The following PAXIP1 variants were observed in gnomAD, a reference collection of about 807,000 sequenced individuals.
PAXIP1 encodes the protein PAX-interacting protein 1.
PAXIP1 carries 19 observed loss-of-function variants against 140.6 expected under a neutral mutation model. That is an observed-to-expected ratio of 0.14 (90% CI 0.09 to 0.20). The LOEUF is 0.20. PAXIP1 is among the 10% of genes least tolerant of loss of function. PAXIP1 has a pLI of 1.00. For synonymous variants in PAXIP1, 442 were observed against 444.6 expected (o/e 0.99, Z 0.07); for missense variants, 920 against 1,208.6 (o/e 0.76, Z 3.54).
intron 20 of PAXIP1, chr7:154,945,997 A>T (rs554782304): frequency 2.0e-6 from 2 of 985,084 alleles, no homozygotes; most frequent in African/African-American, 3.5e-5. Flanking sequence ...CTATATACGA[A>T]CTAAATTTCA....
intron 2 of PAXIP1, among the ~76,000 whole-genome samples, chr7:154,996,354 G>A (rs1810610244): frequency 6.6e-6 from 1 of 152,188 alleles, no homozygotes; most frequent in Admixed American, 6.5e-5. Flanking sequence ...GATGAAATAT[G>A]TCTGTCACTC....
At chr7:154,966,700 T>TC (rs1809039953) in intron 8 of PAXIP1, among the ~76,000 whole-genome samples, 1 of 152,228 alleles carries the variant, frequency 6.6e-6, no homozygotes, top group South Asian at 2.1e-4. Context: ...GCACATGCCA[T>TC]CCGCCTCTTT....
At chr7:154,952,383 G>A (rs905718513) in intron 16 of PAXIP1, among the ~76,000 whole-genome samples, 5 of 152,210 alleles carry the variant, frequency 3.3e-5, no homozygotes, top group East Asian at 1.9e-4. Flanking sequence ...TTGCCTTCCT[G>A]TTCCAGCTGA....
At position 154,968,591 on chromosome 7, in the gene PAXIP1, AGCTGCTGCTGCTGAATCTGCTGTT is replaced by A. The variant is rs747116351; in HGVS notation, c.1586_1609del (p.Gln529_Gln536del). The A allele has an allele frequency of 2.7e-5, 19 of 714,446 alleles. No individual in the cohort carries two copies. In the East Asian group the frequency reaches 3.0e-4, roughly 11 times the overall value. 44.3% of individuals were successfully genotyped at this position (714,446 alleles called of 1,614,324 possible). ...CTGCTGCTGCTGGTGCATGCGCTGG[AGCTGCTGCTGCTGAATCTGCTGTT>A]GCTGCTGCTGCTGGAGCAGGCTGTG... On this transcript the variant is annotated inframe_deletion, in exon 7 of 21. Transcript: ENST00000404141.
chr7:154,944,571 C>G (rs544422909), intron 20 of PAXIP1: 208 of 156,714 alleles, frequency 1.3e-3, no homozygotes, highest in Non-Finnish European at 2.3e-3. Context: ...CTAAACCGTC[C>G]ACTTTGGGCA....
chr7:154,964,108 T>C (rs1808893110), intron 8 of PAXIP1: 3 of 190,284 alleles, frequency 1.6e-5, no homozygotes, highest in Non-Finnish European at 3.3e-5. Flanking sequence ...TGTTTGGCAG[T>C]GTCCCCAACT....
chr7:154,957,181 C>A (rs1160125730), intron 14 of PAXIP1, 43 bp downstream of exon 14: 1 of 1,092,154 alleles, frequency 9.2e-7, no homozygotes. Context: ...CAAAGCAGAC[C>A]TGTGAAAGCC....
intron 2 of PAXIP1, among the ~76,000 whole-genome samples, chr7:154,995,621 G>A (rs776975548): frequency 6.4e-4 from 97 of 152,286 alleles, no homozygotes; most frequent in Non-Finnish European, 6.0e-4. Flanking sequence ...AGGCCAAGGC[G>A]GGCGGATCAC....
intron 2 of PAXIP1, among the ~76,000 whole-genome samples, chr7:154,994,280 T>C (rs1361880880): frequency 6.6e-6 from 1 of 152,248 alleles, no homozygotes; most frequent in Non-Finnish European, 1.5e-5. Context: ...GATTAATTAC[T>C]ACCTTTCTGG....
intron 6 of PAXIP1, among the ~76,000 whole-genome samples, chr7:154,970,893 T>C (rs950774751): frequency 2.0e-5 from 3 of 152,186 alleles, no homozygotes; most frequent in African/African-American, 7.2e-5. Context: ...CACCCTCATA[T>C]GTAAACAGCC....
chr7:154,944,124 G>A lies in PAXIP1; in HGVS notation c.*25C>T, dbSNP rs763741779. The A allele has an allele frequency of 3.1e-6, 5 of 1,611,712 alleles. No homozygotes were observed. The highest frequency in any genetic ancestry group is 4.2e-6 in the Non-Finnish European group (5 of 1,178,654). ...CAGCCAGCCCCGCACCGCAGGAGTC[G>A]ACATGCACGGCAGCCTAGACGCCAT... On this transcript the variant is annotated 3_prime_UTR_variant, in exon 21 of 21. Transcript: ENST00000404141.
rs184628382 is a variant in PAXIP1 at position 154,954,318 on chromosome 7, C to A, written c.2758G>T (p.Val920Phe). 1.2e-6 allele frequency: 2 copies of A among 1,604,230 alleles called. No homozygotes were observed. Among genetic ancestry groups the A allele is most frequent in the East Asian group, 4.5e-5 (2 of 44,686 alleles). The change falls in exon 16 of 21, where the codon GTC (valine) becomes TTC (phenylalanine). Residue 920 changes from valine to phenylalanine, a missense_variant. Coordinates refer to ENST00000404141, the MANE Select transcript of PAXIP1 (RefSeq NM_007349.4). The surrounding 1 kb of genome is among the most constrained non-coding windows in gnomAD (Gnocchi z 5.1). ...TCTGGCGTCACTATGTGCTTCACGA[C>A]AGAAATCGCCGTCAGGAACTTCACG... Reference protein sequence around the residue: ...RTVKFLTAISVVKHIVTPEWL... With the variant: ...RTVKFLTAISFVKHIVTPEWL...
chr7:154,995,374 A>G (rs546452727), intron 2 of PAXIP1, among the ~76,000 whole-genome samples: 1 of 152,336 alleles, frequency 6.6e-6, no homozygotes, highest in African/African-American at 2.4e-5. Context: ...ATCCCAGTTT[A>G]AAGACTGCTG....
intron 5 of PAXIP1, 33 bp from the exon 6 acceptor site, chr7:154,976,364 A>T: frequency 2.0e-6 from 3 of 1,523,000 alleles, no homozygotes; most frequent in Non-Finnish European, 2.6e-6. Flanking sequence ...CACAAAACAA[A>T]GCTGTAAATT....
intron 2 of PAXIP1, among the ~76,000 whole-genome samples, chr7:154,997,008 GAGAA>G (rs1206950780): frequency 6.6e-6 from 1 of 152,112 alleles, no homozygotes; most frequent in Non-Finnish European, 1.5e-5. Flanking sequence ...TATTGTCTGA[GAGAA>G]AGAAAGTTTG....
At position 154,969,054 on chromosome 7, in the gene PAXIP1, T is replaced by C; in HGVS notation, c.1147A>G (p.Asn383Asp). 6.5e-7 allele frequency: 1 copy of C among 1,535,386 alleles called. No homozygotes were observed. The highest frequency in any genetic ancestry group is 1.4e-5 in the African/African-American group (1 of 72,978). Residue 383 changes from asparagine (N) to aspartate (D), a missense_variant, in exon 7 of 21, where the codon AAT becomes GAT. Physicochemically the swap from Asn to Asp is conservative, Grantham distance 23. Around this residue, in one of 5 missense-constraint regions of PAXIP1, gnomAD observed 419 missense variants for 514.7 expected, o/e 0.81. Coordinates refer to ENST00000404141, the MANE Select transcript of PAXIP1 (RefSeq NM_007349.4). Reference sequence around the variant, plus strand: ...TGGCTAAACAGCACTGCATTGGCATTTGTATGTCCCTGCTGGCTGTGATTC... The same window carrying C: ...TGGCTAAACAGCACTGCATTGGCATCTGTATGTCCCTGCTGGCTGTGATTC... ...QVNHSQQGHT[N>D]ANAVLFSQVK... is the part of the protein sequence containing the mutation.
intron 1 of PAXIP1, chr7:155,001,676 T>C (rs1237982377): frequency 1.3e-5 from 2 of 152,196 alleles, no homozygotes; most frequent in Non-Finnish European, 2.9e-5. Context: ...TTTTGTATTT[T>C]TAGTAGAGAT....
Position 155,002,873 on chromosome 7 carries a change from G to A in PAXIP1, c.57C>T (p.Tyr19=), listed in dbSNP as rs1487239624. The change falls in exon 1 of 21, where the codon TAC becomes TAT. Residue 19 remains tyrosine, a synonymous_variant. Coordinates refer to ENST00000404141, the MANE Select transcript of PAXIP1 (RefSeq NM_007349.4). ...PEEMFREVKY[Y]AVGDIDPQVI... ...CCTGCGGGTCGATGTCGCCCACCGC[G>A]TAATACTTGACCTCCCTGAACATCT... 1 of 1,418,656 alleles carries A rather than the reference G, an allele frequency of 7.0e-7. No individual in the cohort carries two copies. Among genetic ancestry groups the A allele is most frequent in the South Asian group, 1.3e-5 (1 of 74,186 alleles). 87.9% of individuals were successfully genotyped at this position (1,418,656 alleles called of 1,614,324 possible).
In PAXIP1 at chr7:154,946,006, C is replaced by A; in HGVS notation, c.3194+359G>T. 2 of 985,004 alleles carry A rather than the reference C, an allele frequency of 2.0e-6. No individual in the cohort carries two copies. Among genetic ancestry groups the A allele is most frequent in the Non-Finnish European group, 2.4e-6 (2 of 829,566 alleles). The allele number at this position is 985,004 out of a possible 1,614,324, so 61.0% of individuals were successfully genotyped here. On this transcript the variant is annotated intron_variant, in intron 20 of 20. Transcript: ENST00000404141. This position sits in a 1 kb window ranked among gnomAD's most constrained non-coding sequence, Gnocchi z 4.9. ...CAAAGACTATATACGAACTAAATTTCATTTGGAAAACTACAAACTCAAAGG... is the reference window on the plus strand; with the variant it reads ...CAAAGACTATATACGAACTAAATTTAATTTGGAAAACTACAAACTCAAAGG...
Sources: gnomAD v4.1 joint callset for allele counts (sites outside exome capture counted in the v4.1 genomes callset) on GRCh38, gnomAD v4.1.1 for gene constraint, gnomAD v4.1.1 regional missense constraint, Gnocchi (gnomAD v3.1) non-coding constraint, MANE v1.5 for transcripts, NCBI Gene and HGNC (gene_info 2026-07-23, HGNC 2026-07-21) for gene names.